The following AKAP13 variants were observed in gnomAD, a reference collection of about 807,000 sequenced individuals.
AKAP13 encodes A-kinase anchor protein 13.
AKAP13 carries 80 observed loss-of-function variants against 264.5 expected under a neutral mutation model. That is an observed-to-expected ratio of 0.30 (90% CI 0.25 to 0.36). The LOEUF (loss-of-function observed/expected upper bound fraction) is 0.36. Among genes scored for constraint, AKAP13 ranks in the 10% least tolerant of loss-of-function variants. The pLI is 1.00. For synonymous variants in AKAP13, 1,380 were observed against 1,250.2 expected, an observed-to-expected ratio of 1.10 and a Z score of -2.19; for missense variants, 3,712 against 3,435.2, an observed-to-expected ratio of 1.08 and a Z score of -2.01.
intron 8 of AKAP13, among the ~76,000 whole-genome samples, chr15:85,598,580 A>T (rs981155628): frequency 7.9e-5 from 12 of 152,200 alleles, no homozygotes; most frequent in Non-Finnish European, 4.4e-5. Context: ...TCCAAAGCAA[A>T]ATTGAGCCTT....
rs1555434088 is a variant in AKAP13 at position 85,483,641 on chromosome 15, A to AAAACAAAC, written c.-11-2066_-11-2065insCAAACAAA. ...GAGCGAGACTCCGTCTCAAAAAAAA[A>AAAACAAAC]AAAAAAAAAACACCAAAAAATCAGC... On this transcript the variant is annotated intron_variant, in intron 1 of 36. Transcript: ENST00000394518. 5.4e-4 allele frequency among the ~76,000 whole-genome samples: 78 copies of AAAACAAAC among 143,260 alleles called. 1 individual carries two copies. The highest frequency in any genetic ancestry group is 1.3e-3 in the African/African-American group (47 of 35,962). 94.0% of individuals were successfully genotyped at this position (143,260 alleles called of 152,430 possible). A position where few individuals can be genotyped will look rare whatever the true frequency, so the allele number is the denominator to read the frequency against.
intron 17 of AKAP13, among the ~76,000 whole-genome samples, chr15:85,699,225 C>T (rs2085757476): frequency 6.6e-6 from 1 of 152,070 alleles, no homozygotes; most frequent in Non-Finnish European, 1.5e-5. Context: ...GGGCAGAACA[C>T]CTGAGGTCAG....
chr15:85,490,121 T>C (rs1169835387), intron 2 of AKAP13, among the ~76,000 whole-genome samples: 5 of 152,306 alleles, frequency 3.3e-5, no homozygotes, highest in Non-Finnish European at 4.4e-5. Context: ...AAACTCTGAG[T>C]AGCTTAGTAG....
chr15:85,529,097 C>A (rs1271426038), intron 3 of AKAP13, among the ~76,000 whole-genome samples: 6 of 152,152 alleles, frequency 3.9e-5, no homozygotes, highest in Non-Finnish European at 8.8e-5. Flanking sequence ...TTCTCATCCC[C>A]ATGTCTTTGC....
intron 5 of AKAP13, among the ~76,000 whole-genome samples, chr15:85,557,916 G>T (rs900351277): frequency 1.2e-4 from 19 of 152,160 alleles, no homozygotes; most frequent in African/African-American, 4.3e-4. Context: ...TTTCAGCTTT[G>T]CTCAGGCCTA....
intron 3 of AKAP13, among the ~76,000 whole-genome samples, chr15:85,525,569 CT>C (rs1305455737): frequency 3.9e-5 from 6 of 152,108 alleles, no homozygotes; most frequent in Non-Finnish European, 8.8e-5. Flanking sequence ...TATAATTTGC[CT>C]TGAAACATAG....
chr15:85,686,700 T>A (rs49364), intron 16 of AKAP13, among the ~76,000 whole-genome samples: 93,409 of 151,956 alleles, frequency 0.61, 28,798 homozygotes, highest in Middle Eastern at 0.71. Context: ...AGCCTTACCT[T>A]TTTTACTTAC....
intron 2 of AKAP13, among the ~76,000 whole-genome samples, chr15:85,490,811 GAGA>G (rs1301416942): frequency 1.3e-5 from 2 of 152,166 alleles, no homozygotes; most frequent in East Asian, 1.9e-4. Flanking sequence ...GCATTGTAGT[GAGA>G]AGAAGGAAGA....
chr15:85,584,332 G>C (rs1476663625), intron 7 of AKAP13, among the ~76,000 whole-genome samples: 2 of 152,176 alleles, frequency 1.3e-5, no homozygotes, highest in Admixed American at 1.3e-4. Flanking sequence ...TCAAGTGTGA[G>C]TAATCACTGT....
At chr15:85,554,471 T>A (rs2078069518) in intron 5 of AKAP13, among the ~76,000 whole-genome samples, 1 of 152,192 alleles carries the variant, frequency 6.6e-6, no homozygotes, top group South Asian at 2.1e-4. Flanking sequence ...TCTCTTAACC[T>A]AGTGGGGAAA....
chr15:85,683,200 C>A (rs2084697776), intron 15 of AKAP13, among the ~76,000 whole-genome samples: 1 of 152,162 alleles, frequency 6.6e-6, no homozygotes, highest in African/African-American at 2.4e-5. Flanking sequence ...CTTTCTACAG[C>A]AGTGGTTTTC....
In AKAP13 at chr15:85,623,712, T is replaced by C. The variant is rs181360750; in HGVS notation, c.4162-15662T>C. Among the ~76,000 whole-genome samples, 1,008 of 152,342 alleles carry C rather than the reference T, an allele frequency of 6.6e-3. 7 individuals carry two copies. Among genetic ancestry groups the C allele is most frequent in the Admixed American group, 0.013 (197 of 15,302 alleles). Reference sequence around the variant, plus strand: ...AGTAATAAAACCTAAGTTGATAGTATTCCTTGGTCACCCACCTGTCTGTTC... The same window carrying C: ...AGTAATAAAACCTAAGTTGATAGTACTCCTTGGTCACCCACCTGTCTGTTC... On this transcript the variant is annotated intron_variant, in intron 8 of 36. Coordinates refer to ENST00000394518, the MANE Select transcript of AKAP13 (RefSeq NM_007200.5).
intron 1 of AKAP13, among the ~76,000 whole-genome samples, chr15:85,481,770 G>GT (rs775855676): frequency 1.3e-5 from 2 of 152,108 alleles, no homozygotes; most frequent in Non-Finnish European, 2.9e-5. Flanking sequence ...AACCTGTAGG[G>GT]TTCCACTGTG....
At chr15:85,507,913 C>T (rs1380886453) in intron 2 of AKAP13, among the ~76,000 whole-genome samples, 1 of 152,206 alleles carries the variant, frequency 6.6e-6, no homozygotes, top group Non-Finnish European at 1.5e-5. Flanking sequence ...GAGACTTGCC[C>T]ATGAGGGCGT....
intron 2 of AKAP13, among the ~76,000 whole-genome samples, chr15:85,520,156 C>T (rs774837055): frequency 2.7e-5 from 4 of 148,154 alleles, no homozygotes; most frequent in Non-Finnish European, 6.1e-5. Flanking sequence ...ATATATTTAG[C>T]CACTGGCCTT....
At chr15:85,744,605 A>G in intron 36 of AKAP13, 23 bp from the exon 37 acceptor site, 1 of 1,613,722 alleles carries the variant, frequency 6.2e-7, no homozygotes, top group Non-Finnish European at 8.5e-7. Context: ...AATTTTTTTC[A>G]TTCTTGGTTT....
intron 8 of AKAP13, among the ~76,000 whole-genome samples, chr15:85,622,727 A>C (rs1362020883): frequency 6.6e-6 from 1 of 152,182 alleles, no homozygotes; most frequent in Non-Finnish European, 1.5e-5. Context: ...TGTAGTTAAT[A>C]ACTTTCCCAG....
chr15:85,582,649 T>TG (rs1298667291), intron 7 of AKAP13, among the ~76,000 whole-genome samples: 1 of 141,532 alleles, frequency 7.1e-6, no homozygotes, highest in South Asian at 2.4e-4. Flanking sequence ...AGGTCATTGG[T>TG]GGTTTTTTGT....
intron 2 of AKAP13, among the ~76,000 whole-genome samples, chr15:85,489,984 C>T (rs1284853615): frequency 6.6e-6 from 1 of 152,158 alleles, no homozygotes; most frequent in African/African-American, 2.4e-5. Flanking sequence ...TGAGTACAAC[C>T]TTTATGTTAG....
Sources: allele counts gnomAD v4.1 joint callset (sites outside exome capture counted in the v4.1 genomes callset), GRCh38; gene constraint gnomAD v4.1.1; transcripts MANE v1.5; gene names NCBI Gene and HGNC (gene_info 2026-07-23, HGNC 2026-07-21).